The following DEAF1 variants were observed in gnomAD, a reference collection of about 807,000 sequenced individuals.
The protein encoded by DEAF1 is deformed epidermal autoregulatory factor 1 homolog.
Under a neutral mutation model 58.9 loss-of-function variants are expected in DEAF1, and 53 were observed. The observed-to-expected ratio is 0.90, with a 90% CI of 0.72 to 1.13. The LOEUF (loss-of-function observed/expected upper bound fraction) is 1.13. Among genes scored for constraint, DEAF1 ranks in the 50% most tolerant of loss-of-function variants. The probability of loss-of-function intolerance (pLI) is 0.00; values close to 1 mark genes in which losing one functional copy is unlikely to be tolerated. For synonymous variants in DEAF1, 385 were observed against 340.4 expected (o/e 1.13, Z -1.44); for missense variants, 685 against 791.4 (o/e 0.87, Z 1.61).
intron 7 of DEAF1, among the ~76,000 whole-genome samples, chr11:680,414 G>A (rs1360428390): frequency 6.6e-6 from 1 of 152,184 alleles, no homozygotes; most frequent in Non-Finnish European, 1.5e-5. Flanking sequence ...TTCTCCTATT[G>A]CTACCTCTCC....
In DEAF1 at chr11:681,158, C is replaced by T. The variant is rs1026605794; in HGVS notation, c.871-69G>A. The T allele has an allele frequency of 2.5e-6, 4 of 1,608,212 alleles. No individual in the cohort carries two copies. In the East Asian group the frequency reaches 6.7e-5, roughly 27 times the overall value. On this transcript the variant is annotated intron_variant, in intron 6 of 11. Coordinates refer to ENST00000382409, the MANE Select transcript of DEAF1 (RefSeq NM_021008.4). ...AGCTATGCTGCGCTTGCAACTCCTC[C>T]TTAAGTGGGGGCACCGCGGGGTGTG...
At chr11:670,575 C>T (rs1859767728) in intron 10 of DEAF1, among the ~76,000 whole-genome samples, 1 of 151,346 alleles carries the variant, frequency 6.6e-6, no homozygotes, top group African/African-American at 2.4e-5. Context: ...AATAGCTGGG[C>T]GTGGTTGCAC....
rs139756872 is a variant in DEAF1, at chr11:685,169, C to T, written c.805-206G>A. Among the ~76,000 whole-genome samples the T allele has an allele frequency of 1.1e-3, 164 of 150,030 alleles. 1 individual carries two copies. Among genetic ancestry groups the T allele is most frequent in the African/African-American group, 3.8e-3 (156 of 40,670 alleles). On this transcript the variant is annotated intron_variant, in intron 5 of 11. Coordinates refer to ENST00000382409, the MANE Select transcript of DEAF1 (RefSeq NM_021008.4). Reference sequence around the variant, plus strand: ...GCACGTTCTCGGCTCAGTGCAACCTCTGCCTCCCCGGCGCAAGCAATTCTC... The same window carrying T: ...GCACGTTCTCGGCTCAGTGCAACCTTTGCCTCCCCGGCGCAAGCAATTCTC...
chr11:676,502 T>G (rs1017498138), intron 9 of DEAF1, among the ~76,000 whole-genome samples: 2 of 151,258 alleles, frequency 1.3e-5, no homozygotes, highest in African/African-American at 4.9e-5. Context: ...ATCAGCGCCG[T>G]GGACAATGAC....
chr11:686,973 T>C lies in DEAF1; in HGVS notation c.689A>G (p.Gln230Arg), dbSNP rs1457790214. 1 of 1,614,062 alleles carries C rather than the reference T, an allele frequency of 6.2e-7. No individual in the cohort carries two copies. Among genetic ancestry groups the C allele is most frequent in the Non-Finnish European group, 8.5e-7 (1 of 1,180,048 alleles). ...GGTGGGACTGTACCAGTTCTCCCCC[T>C]GCTTGATGCACCGTCCCCGGCCGCC... ...GSGGRGRCIK[Q>R]GENWYSPTEF... The change falls in exon 5 of 12, where the codon CAG becomes CGG. Residue 230 changes from glutamine (Q) to arginine (R), a missense_variant. Physicochemically the swap from Gln to Arg is conservative, Grantham distance 43. This residue lies in a region of DEAF1 where 132 missense variants were observed against 234.3 expected (regional missense o/e 0.56). Coordinates refer to ENST00000382409, the MANE Select transcript of DEAF1 (RefSeq NM_021008.4).
intron 11 of DEAF1, among the ~76,000 whole-genome samples, chr11:647,785 C>T (rs947797399): frequency 2.0e-5 from 3 of 152,192 alleles, no homozygotes; most frequent in Non-Finnish European, 2.9e-5. Flanking sequence ...CACCACAGCA[C>T]GTAGGTGACT....
Position 665,673 on chromosome 11 carries a change from A to T in DEAF1, c.1503+8863T>A, listed in dbSNP as rs115099658. Among the ~76,000 whole-genome samples the T allele has an allele frequency of 7.9e-3, 1,204 of 152,344 alleles. 14 individuals are homozygous for T. The highest frequency in any genetic ancestry group is 0.027 in the African/African-American group (1,143 of 41,582). On this transcript the variant is annotated intron_variant, in intron 10 of 11. Transcript: ENST00000382409. Reference sequence around the variant, plus strand: ...GCAGGGACCCAGCTGACGCAGCAGCATCAGACACTCTGGCTGCCAAATGAG... The same window carrying T: ...GCAGGGACCCAGCTGACGCAGCAGCTTCAGACACTCTGGCTGCCAAATGAG...
intron 10 of DEAF1, among the ~76,000 whole-genome samples, chr11:661,931 CCCACAG>C (rs1225768049): frequency 6.6e-6 from 1 of 152,222 alleles, no homozygotes; most frequent in Non-Finnish European, 1.5e-5. Context: ...GCTTGTCCAA[CCCACAG>C]CCCGCGGGCT....
chr11:672,628 C>T (rs969845333), intron 10 of DEAF1, among the ~76,000 whole-genome samples: 1 of 152,156 alleles, frequency 6.6e-6, no homozygotes, highest in African/African-American at 2.4e-5. Context: ...GGGTGAATCA[C>T]CTGAGGTCAG....
At chr11:655,446 G>A (rs746165737) in intron 10 of DEAF1, among the ~76,000 whole-genome samples, 65 of 152,368 alleles carry the variant, frequency 4.3e-4, no homozygotes, top group Non-Finnish European at 8.7e-4. Flanking sequence ...TGTGAGCTCC[G>A]CCGTCAATGC....
upstream of DEAF1, chr11:695,455 G>T: frequency 1.9e-6 from 1 of 535,146 alleles, no homozygotes; most frequent in Non-Finnish European, 2.9e-6. Context: ...GGCCGACAGG[G>T]CTGGACGGCT....
At position 688,787 on chromosome 11, in the gene DEAF1, CAG is replaced by C. The variant is rs1160693113; in HGVS notation, c.388-329_388-328del. ...CTCCCACAAGGTCACCGTCTTCATG[CAG>C]AGTTTCCAACAGACCGAGTTGGCCG... On this transcript the variant is annotated intron_variant, in intron 2 of 11. Transcript: ENST00000382409. The surrounding 1 kb of genome is among the most constrained non-coding windows in gnomAD (Gnocchi z 4.3). 5.9e-5 allele frequency among the ~76,000 whole-genome samples: 9 copies of C among 152,352 alleles called. No individual in the cohort carries two copies. The highest frequency in any genetic ancestry group is 2.2e-4 in the African/African-American group (9 of 41,582).
Position 686,907 on chromosome 11 carries a change from C to T in DEAF1, c.755G>A (p.Trp252Ter). Residue 252 changes from tryptophan to a stop codon, truncating the protein, a stop_gained, in exon 5 of 12, where the codon TGG becomes TAG. Coordinates refer to ENST00000382409, the MANE Select transcript of DEAF1 (RefSeq NM_021008.4). LOFTEE classifies it high-confidence loss of function. ...GCCCGCGTAGCGAATGCTTCTTTTC[C>T]AGTCCTTACTGCTGGCTCTTCCTGC... ...AMAGRASSKD[W>*]KRSIRYAGRP... The T allele has an allele frequency of 1.2e-5, 20 of 1,614,252 alleles. No individual in the cohort carries two copies. The highest frequency in any genetic ancestry group is 1.6e-5 in the Non-Finnish European group (19 of 1,180,044).
At chr11:670,771 G>GTTTTTT (rs199899292) in intron 10 of DEAF1, among the ~76,000 whole-genome samples, 19 of 45,296 alleles carry the variant, frequency 4.2e-4, no homozygotes, top group African/African-American at 1.3e-3. Flanking sequence ...TTTTCTTTTT[G>GTTTTTT]TTTTTGTTTT....
chr11:681,806 C>T (rs1407875746), intron 6 of DEAF1, among the ~76,000 whole-genome samples: 1 of 152,108 alleles, frequency 6.6e-6, no homozygotes, highest in Non-Finnish European at 1.5e-5. Flanking sequence ...GCTGTGGTTT[C>T]CTTCAGTCCT....
At chr11:671,852 A>AAC (rs1564937916) in intron 10 of DEAF1, among the ~76,000 whole-genome samples, 2 of 147,404 alleles carry the variant, frequency 1.4e-5, no homozygotes, top group Non-Finnish European at 1.5e-5. Context: ...AAAAAAAAGA[A>AAC]ACACAAAAAA....
At chr11:694,583 C>G (rs1861015264) in intron 1 of DEAF1, 176 bp downstream of exon 1, 5 of 463,900 alleles carry the variant, frequency 1.1e-5, no homozygotes, top group Non-Finnish European at 1.6e-5. Context: ...GCGGGCGGGT[C>G]ACGTGGAGCA....
At chr11:656,516 G>C (rs2133300968) in intron 10 of DEAF1, among the ~76,000 whole-genome samples, 1 of 152,386 alleles carries the variant, frequency 6.6e-6, no homozygotes, top group South Asian at 2.1e-4. Context: ...GGAGAACACA[G>C]CTTCTGCAGG....
intron 10 of DEAF1, among the ~76,000 whole-genome samples, chr11:669,116 C>A (rs1324274918): frequency 7.1e-6 from 1 of 141,684 alleles, no homozygotes; most frequent in South Asian, 2.3e-4. Flanking sequence ...TAAGCCACTG[C>A]ACCCGACCCT....
Sources: gnomAD v4.1 joint callset for allele counts (sites outside exome capture counted in the v4.1 genomes callset) on GRCh38, gnomAD v4.1.1 for gene constraint, gnomAD v4.1.1 regional missense constraint, Gnocchi (gnomAD v3.1) non-coding constraint, MANE v1.5 for transcripts, NCBI Gene and HGNC (gene_info 2026-07-23, HGNC 2026-07-21) for gene names.